Variants in ATP8B4 observed in about 807,000 individuals in gnomAD.
The protein encoded by ATP8B4 is ATPase phospholipid transporting 8B4 (putative).
ATP8B4 carries 133 observed loss-of-function variants against 145.6 expected under a neutral mutation model. That is an observed-to-expected ratio of 0.91 (90% CI 0.79 to 1.05). The LOEUF (loss-of-function observed/expected upper bound fraction) is 1.05. ATP8B4 is among the 50% of genes least tolerant of loss of function. The pLI is 0.00. For missense variants in ATP8B4, 1,458 were observed against 1,425.2 expected (o/e 1.02, Z -0.37); for synonymous variants, 507 against 492.9 (o/e 1.03, Z -0.38).
intron 1 of ATP8B4, among the ~76,000 whole-genome samples, chr15:50,179,315 C>A (rs1467859689): frequency 3.3e-5 from 5 of 152,022 alleles, no homozygotes; most frequent in African/African-American, 1.2e-4. Flanking sequence ...AAGAGATGTA[C>A]CAAGAATGGG....
chr15:50,034,230 T>G (rs1001863055), intron 6 of ATP8B4, among the ~76,000 whole-genome samples: 964 of 39,876 alleles, frequency 0.024, 13 homozygotes, highest in African/African-American at 0.11. Context: ...CTTTCCTTGT[T>G]TTTTTTTTTT....
Position 50,042,845 on chromosome 15 carries a change from A to G in ATP8B4, c.300+1749T>C, listed in dbSNP as rs150960458. ...CCAATAATATAGATAAGATGGAATCACAAAAAACACTCCGTTAATCTAAAA... is the reference window on the plus strand; with the variant it reads ...CCAATAATATAGATAAGATGGAATCGCAAAAAACACTCCGTTAATCTAAAA... On this transcript the variant is annotated intron_variant, in intron 5 of 27. Transcript: ENST00000284509. Among the ~76,000 whole-genome samples the G allele has an allele frequency of 9.8e-5, 15 of 152,306 alleles. No individual in the cohort carries two copies. The East Asian group carries it at 2.9e-3, about 29-fold the overall frequency.
chr15:49,885,728 T>C (rs2036104739), intron 23 of ATP8B4: 1 of 119,438 alleles, frequency 8.4e-6, no homozygotes, highest in South Asian at 3.0e-4. Flanking sequence ...TCTGATACCA[T>C]CACATCCACC....
At chr15:50,172,998 C>T (rs1180977842) in intron 1 of ATP8B4, among the ~76,000 whole-genome samples, 13 of 149,792 alleles carry the variant, frequency 8.7e-5, no homozygotes, top group East Asian at 2.0e-4. Flanking sequence ...CCAGCCGCCC[C>T]GTCCGGGAGG....
chr15:50,058,115 T>C (rs1453391844), intron 3 of ATP8B4, among the ~76,000 whole-genome samples: 1 of 152,214 alleles, frequency 6.6e-6, no homozygotes, highest in Non-Finnish European at 1.5e-5. Flanking sequence ...GGGACTTTCC[T>C]GGGGCATCCC....
chr15:49,888,365 T>G (rs1224194086), intron 23 of ATP8B4, among the ~76,000 whole-genome samples: 1 of 152,162 alleles, frequency 6.6e-6, no homozygotes, highest in East Asian at 1.9e-4. Flanking sequence ...TTATACTGTT[T>G]GACAGAACTA....
intron 25 of ATP8B4, among the ~76,000 whole-genome samples, chr15:49,874,806 G>T (rs1361781034): frequency 1.3e-5 from 2 of 152,098 alleles, no homozygotes; most frequent in East Asian, 1.9e-4. Context: ...TTTAAAATGT[G>T]ATAGTTTCTG....
At chr15:50,037,533 C>T (rs1292345199) in intron 6 of ATP8B4, among the ~76,000 whole-genome samples, 1 of 152,304 alleles carries the variant, frequency 6.6e-6, no homozygotes, top group Admixed American at 6.5e-5. Context: ...GAGGAGAAAT[C>T]CAGTGCTTAC....
Position 50,047,423 on chromosome 15 carries a change from G to A in ATP8B4, c.129C>T (p.Phe43=). ...ACTGTTCAAATAAATTAATTGGCAA[G>A]AAGGTGAGAATATTATATTTCGATG... ...IHTSKYNILT[F]LPINLFEQFQ... Residue 43 remains phenylalanine, a synonymous_variant, in exon 4 of 28, where the codon TTC becomes TTT. Coordinates refer to ENST00000284509, the MANE Select transcript of ATP8B4 (RefSeq NM_024837.4). 1 of 1,597,944 alleles carries A rather than the reference G, an allele frequency of 6.3e-7. No individual in the cohort carries two copies. The highest frequency in any genetic ancestry group is 1.1e-5 in the South Asian group (1 of 90,718).
At chr15:50,074,407 C>A (rs775289832) in intron 2 of ATP8B4, among the ~76,000 whole-genome samples, 5 of 152,172 alleles carry the variant, frequency 3.3e-5, no homozygotes, top group Non-Finnish European at 7.3e-5. Flanking sequence ...CTGATGCCAA[C>A]CATAAAGCAA....
chr15:50,142,298 T>C (rs892819501), intron 1 of ATP8B4, among the ~76,000 whole-genome samples: 1 of 152,172 alleles, frequency 6.6e-6, no homozygotes, highest in South Asian at 2.1e-4. Flanking sequence ...AGACTTTTTA[T>C]TGCAATATAA....
At chr15:50,009,566 T>C (rs2153569491) in intron 7 of ATP8B4, 1 of 388,272 alleles carries the variant, frequency 2.6e-6, no homozygotes, top group African/African-American at 2.1e-5. Flanking sequence ...GTCTCAGTTC[T>C]CTCCCAGTTC....
intron 1 of ATP8B4, among the ~76,000 whole-genome samples, chr15:50,136,438 G>A (rs189332286): frequency 1.4e-4 from 22 of 152,306 alleles, no homozygotes; most frequent in Non-Finnish European, 2.8e-4. Context: ...AAGCCAGTCA[G>A]TTCACCACTC....
intron 16 of ATP8B4, among the ~76,000 whole-genome samples, chr15:49,928,940 C>T (rs140348766): frequency 6.6e-6 from 1 of 152,052 alleles, no homozygotes; most frequent in African/African-American, 2.4e-5. Flanking sequence ...AGAAGTGGTC[C>T]CCAAACTGTG....
intron 3 of ATP8B4, among the ~76,000 whole-genome samples, chr15:50,071,067 T>G (rs1408447251): frequency 6.6e-6 from 1 of 152,154 alleles, no homozygotes; most frequent in Non-Finnish European, 1.5e-5. Context: ...AACTCAGAGA[T>G]GGAGCTACCT....
intron 11 of ATP8B4, 150 bp downstream of exon 11, chr15:49,981,056 T>C (rs921469296): frequency 1.3e-5 from 7 of 549,382 alleles, no homozygotes; most frequent in African/African-American, 9.7e-5. Context: ...ATCTAGAAAA[T>C]AGAAGGCAGT....
intron 2 of ATP8B4, among the ~76,000 whole-genome samples, chr15:50,102,678 T>C (rs907729604): frequency 6.6e-6 from 1 of 151,874 alleles, no homozygotes; most frequent in Non-Finnish European, 1.5e-5. Context: ...AAAGAATTGG[T>C]ACCAATCCTT....
intron 15 of ATP8B4, 107 bp downstream of exon 15, chr15:49,933,910 G>A: frequency 1.7e-6 from 2 of 1,210,644 alleles, no homozygotes; most frequent in Middle Eastern, 4.1e-4. Flanking sequence ...CAAAAAACAA[G>A]GCTCACTGCT....
intron 2 of ATP8B4, among the ~76,000 whole-genome samples, chr15:50,096,107 A>T (rs2055966972): frequency 6.6e-6 from 1 of 152,254 alleles, no homozygotes; most frequent in African/African-American, 2.4e-5. Flanking sequence ...CAAAGTGAAC[A>T]GACAGAAAAG....
Sources: allele counts gnomAD v4.1 joint callset (sites outside exome capture counted in the v4.1 genomes callset), GRCh38; gene constraint gnomAD v4.1.1; transcripts MANE v1.5; gene names NCBI Gene and HGNC (gene_info 2026-07-23, HGNC 2026-07-21).